CUL4A: variants seen among roughly 807,000 people sequenced by gnomAD.
The protein encoded by CUL4A is cullin-4A.
A neutral mutation model predicts 95.5 loss-of-function variants in CUL4A; 16 were observed. The observed-to-expected ratio is 0.17, with a 90% CI of 0.11 to 0.25. The LOEUF (loss-of-function observed/expected upper bound fraction) is 0.25. Among genes scored for constraint, CUL4A ranks in the 10% least tolerant of loss-of-function variants. The pLI is 1.00. For synonymous variants in CUL4A, 380 were observed against 353.1 expected, an observed-to-expected ratio of 1.08 and a Z score of -0.85; for missense variants, 610 against 937.0, an observed-to-expected ratio of 0.65 and a Z score of 4.56.
At chr13:113,220,016 G>A (rs1424626641) in intron 3 of CUL4A, among the ~76,000 whole-genome samples, 2 of 152,346 alleles carry the variant, frequency 1.3e-5, no homozygotes, top group Non-Finnish European at 2.9e-5. Flanking sequence ...TCTACTTGTG[G>A]CTGTACTTTT....
At chr13:113,258,282 T>C (rs2042184842) in intron 18 of CUL4A, among the ~76,000 whole-genome samples, 1 of 152,194 alleles carries the variant, frequency 6.6e-6, no homozygotes. Flanking sequence ...TGAGCCACCG[T>C]GCCCGGCACC....
chr13:113,225,752 G>A (rs2041080029), intron 3 of CUL4A, among the ~76,000 whole-genome samples: 1 of 152,242 alleles, frequency 6.6e-6, no homozygotes, highest in African/African-American at 2.4e-5. Context: ...TGGCTGTTGG[G>A]GGTCCTTGAA....
upstream of CUL4A, chr13:113,208,416 C>T (rs932546728): frequency 8.8e-6 from 13 of 1,485,040 alleles, no homozygotes; most frequent in Non-Finnish European, 1.2e-5. Context: ...GGGGAGAACT[C>T]GGGCCGCCTT....
intron 19 of CUL4A, among the ~76,000 whole-genome samples, chr13:113,261,802 AGATGGAGTCTTGCTGTCCCCCAG>A (rs1343345017): frequency 6.6e-6 from 1 of 151,092 alleles, no homozygotes; most frequent in African/African-American, 2.4e-5. Context: ...TTTTTCTTTG[AGATGGAGTCTTGCTGTCCCCCAG>A]GATGGAGTGC....
rs118034364 is a variant in CUL4A at position 113,215,391 on chromosome 13, G to A, written c.265-3554G>A. Among the ~76,000 whole-genome samples the A allele has an allele frequency of 7.2e-3, 981 of 136,656 alleles. 32 individuals carry two copies. The highest frequency in any genetic ancestry group is 0.07 in the East Asian group (304 of 4,328). The allele number at this position is 136,656 out of a possible 152,430, so 89.7% of individuals were successfully genotyped here. On this transcript the variant is annotated intron_variant, in intron 2 of 19. Coordinates refer to ENST00000375440, the MANE Select transcript of CUL4A (RefSeq NM_001008895.4). ...CACGTCGCATGTGGCCGTGGAGGTC[G>A]CTGTGTGACTATGGAGGTCACGTCC...
In CUL4A at chr13:113,242,993, A is replaced by G. The variant is rs1032606439; in HGVS notation, c.1061A>G (p.Asn354Ser). ...ACTTTTGGAACAGCGATCGTAATCAATCCTGAGAAAGACAAAGACATGGTC... is the reference window on the plus strand; with the variant it reads ...ACTTTTGGAACAGCGATCGTAATCAGTCCTGAGAAAGACAAAGACATGGTC... ...IKTFGTAIVI[N>S]PEKDKDMVQD... The change falls in exon 11 of 20, where the codon AAT becomes AGT. Residue 354 changes from asparagine to serine, a missense_variant. By Grantham distance (46) the Asn-to-Ser change is conservative (BLOSUM62 1). Transcript: ENST00000375440. 6.2e-6 allele frequency: 10 copies of G among 1,611,176 alleles called. No homozygotes were observed. The highest frequency in any genetic ancestry group is 2.2e-5 in the East Asian group (1 of 44,772).
intron 3 of CUL4A, among the ~76,000 whole-genome samples, chr13:113,223,069 T>C (rs1450247127): frequency 6.6e-6 from 1 of 152,016 alleles, no homozygotes; most frequent in Non-Finnish European, 1.5e-5. Flanking sequence ...GACCAGGAAG[T>C]GGCTGGTTAC....
At chr13:113,240,761 G>A (rs543463129) in intron 10 of CUL4A, among the ~76,000 whole-genome samples, 2 of 152,244 alleles carry the variant, frequency 1.3e-5, no homozygotes, top group East Asian at 3.9e-4. Context: ...CCTTCTGCGG[G>A]AACAGTCGGG....
Position 113,209,857 on chromosome 13 carries a change from C to G in CUL4A, c.148+82C>G, listed in dbSNP as rs947816433. On this transcript the variant is annotated intron_variant, in intron 1 of 19. Transcript: ENST00000375440. ...CCCGCCCGACTTGGGGGGAAGGCCC[C>G]GAGATCCGTGCGGGCCCCGGGAGCG... 3.6e-5 allele frequency: 42 copies of G among 1,170,932 alleles called. No homozygotes were observed. In the African/African-American group the frequency reaches 6.5e-4, roughly 18 times the overall value. The allele number at this position is 1,170,932 out of a possible 1,614,324, so 72.5% of individuals were successfully genotyped here.
Position 113,236,865 on chromosome 13 carries a change from A to C in CUL4A, c.891A>C (p.Glu297Asp), listed in dbSNP as rs759834474. 6.2e-7 allele frequency: 1 copy of C among 1,612,470 alleles called. No individual in the cohort carries two copies. The highest frequency in any genetic ancestry group is 2.2e-5 in the East Asian group (1 of 44,860). Residue 297 changes from glutamate to aspartate, a missense_variant, in exon 9 of 20, where the codon GAA becomes GAC. Glu to Asp is a conservative substitution (Grantham distance 45, BLOSUM62 2). This residue lies in a region of CUL4A where 153 missense variants were observed against 244.5 expected (regional missense o/e 0.63). Coordinates refer to ENST00000375440, the MANE Select transcript of CUL4A (RefSeq NM_001008895.4). Reference protein sequence around the residue: ...IACVEKQLLGEHLTAILQKGL... With the variant: ...IACVEKQLLGDHLTAILQKGL... Reference sequence around the variant, plus strand: ...GTGTGGAGAAACAGCTATTAGGAGAACATTTAACAGCAATTCTGCAGAAAG... The same window carrying C: ...GTGTGGAGAAACAGCTATTAGGAGACCATTTAACAGCAATTCTGCAGAAAG...
chr13:113,228,126 G>C, intron 4 of CUL4A, 81 bp downstream of exon 4: 9 of 1,058,056 alleles, frequency 8.5e-6, no homozygotes, highest in South Asian at 1.3e-5. Flanking sequence ...AGACATAGAA[G>C]TTCTGTTGAG....
intron 4 of CUL4A, among the ~76,000 whole-genome samples, chr13:113,228,831 C>G (rs1386218261): frequency 6.6e-6 from 1 of 151,926 alleles, no homozygotes; most frequent in African/African-American, 2.4e-5. Flanking sequence ...AAAAAATGAC[C>G]AAATTTAGGC....
intron 8 of CUL4A, 40 bp downstream of exon 8, chr13:113,235,185 A>G (rs2287251): frequency 0.25 from 345,472 of 1,386,120 alleles, 46,582 homozygotes; most frequent in South Asian, 0.42. Flanking sequence ...TATCTTCACC[A>G]TGGCTGGAAG....
At position 113,244,293 on chromosome 13, in the gene CUL4A, T is replaced by C. The variant is rs972309698; in HGVS notation, c.1229-117T>C. On this transcript the variant is annotated intron_variant, in intron 11 of 19. Coordinates refer to ENST00000375440, the MANE Select transcript of CUL4A (RefSeq NM_001008895.4). ...CTTAGAAAATCAGATATTTGTTTTT[T>C]TGTCATATAGTCATTTTGGGAAGGT... is the stretch of plus-strand genomic sequence containing the variant. 21 of 717,706 alleles carry C rather than the reference T, an allele frequency of 2.9e-5. No individual in the cohort carries two copies. In the African/African-American group the frequency reaches 3.0e-4, roughly 10 times the overall value. The allele number at this position is 717,706 out of a possible 1,614,324, so 44.5% of individuals were successfully genotyped here.
At chr13:113,223,385 G>C (rs903348589) in intron 3 of CUL4A, among the ~76,000 whole-genome samples, 1 of 151,870 alleles carries the variant, frequency 6.6e-6, no homozygotes, top group East Asian at 2.0e-4. Flanking sequence ...TAAGATTTAA[G>C]TAATTTGTTG....
intron 5 of CUL4A, 162 bp from the exon 6 acceptor site, chr13:113,233,015 G>A (rs1298970004): frequency 1.4e-6 from 1 of 715,778 alleles, no homozygotes; most frequent in Non-Finnish European, 2.2e-6. Flanking sequence ...CGCTAGACTG[G>A]CTGAGAAACA....
intron 14 of CUL4A, among the ~76,000 whole-genome samples, 175 bp downstream of exon 14, chr13:113,245,412 T>A (rs1595408588): frequency 6.6e-6 from 1 of 152,170 alleles, no homozygotes; most frequent in East Asian, 1.9e-4. Context: ...AGAAAAATTT[T>A]TTTAATGAAC....
chr13:113,232,615 A>G (rs1221982251), intron 5 of CUL4A, among the ~76,000 whole-genome samples: 1 of 152,166 alleles, frequency 6.6e-6, no homozygotes. Context: ...CATCTTCCTA[A>G]CATTCCTCAG....
At chr13:113,256,202 C>T (rs1298747710) in intron 18 of CUL4A, among the ~76,000 whole-genome samples, 1 of 152,176 alleles carries the variant, frequency 6.6e-6, no homozygotes, top group African/African-American at 2.4e-5. Context: ...TGGCACCTGT[C>T]AGGGCCTTCC....
Sources: allele counts gnomAD v4.1 joint callset (sites outside exome capture counted in the v4.1 genomes callset), GRCh38; gene constraint gnomAD v4.1.1; regional missense constraint gnomAD v4.1.1; transcripts MANE v1.5; gene names NCBI Gene and HGNC (gene_info 2026-07-23, HGNC 2026-07-21).